Variants in STAU2 observed in about 807,000 individuals in gnomAD.
STAU2 encodes the protein double-stranded RNA-binding protein Staufen homolog 2.
A neutral mutation model predicts 65.9 loss-of-function variants in STAU2; 20 were observed. The observed-to-expected ratio is 0.30, with a 90% CI of 0.21 to 0.44. The LOEUF is 0.44. STAU2 is among the 20% of genes least tolerant of loss of function. STAU2 has a pLI of 1.00. For synonymous variants in STAU2, 232 were observed against 233.9 expected (o/e 0.99, Z 0.07); for missense variants, 558 against 683.9 (o/e 0.82, Z 2.05).
intron 6 of STAU2, among the ~76,000 whole-genome samples, chr8:73,659,494 G>C (rs182928501): frequency 6.6e-6 from 1 of 152,178 alleles, no homozygotes; most frequent in East Asian, 1.9e-4. Context: ...CTGAGATCGC[G>C]CCATTGCACT....
chr8:73,433,232 G>A (rs979139169), intron 13 of STAU2, among the ~76,000 whole-genome samples: 1 of 151,878 alleles, frequency 6.6e-6, no homozygotes, highest in African/African-American at 2.4e-5. Context: ...TTGAGATGGA[G>A]TCTTGCTCTG....
At chr8:73,567,756 G>C (rs901376831) in intron 12 of STAU2, among the ~76,000 whole-genome samples, 2 of 151,834 alleles carry the variant, frequency 1.3e-5, no homozygotes, top group African/African-American at 4.8e-5. Context: ...CACCGTGTTG[G>C]CCAGGCTGGT....
intron 13 of STAU2, among the ~76,000 whole-genome samples, chr8:73,512,000 T>A (rs1010752928): frequency 5.9e-5 from 9 of 152,240 alleles, no homozygotes; most frequent in African/African-American, 2.2e-4. Context: ...GTACCCTCTG[T>A]TGAAAATGTT....
intron 13 of STAU2, among the ~76,000 whole-genome samples, chr8:73,428,708 C>T (rs1817028127): frequency 1.3e-5 from 2 of 152,150 alleles, no homozygotes; most frequent in Admixed American, 1.3e-4. Context: ...ACTAGGTACA[C>T]TGGGAATACT....
At chr8:73,477,076 T>C (rs948095569) in intron 13 of STAU2, among the ~76,000 whole-genome samples, 1 of 152,120 alleles carries the variant, frequency 6.6e-6, no homozygotes, top group Non-Finnish European at 1.5e-5. Flanking sequence ...ACTGAAGAAC[T>C]GGAAGAATTA....
intron 5 of STAU2, among the ~76,000 whole-genome samples, chr8:73,684,463 G>A (rs1320737001): frequency 6.6e-6 from 1 of 152,128 alleles, no homozygotes; most frequent in Non-Finnish European, 1.5e-5. Context: ...ATTAACTCAA[G>A]ATGGATCAAA....
chr8:73,626,894 G>A (rs959812092), intron 6 of STAU2, among the ~76,000 whole-genome samples: 3 of 152,036 alleles, frequency 2.0e-5, no homozygotes, highest in East Asian at 1.9e-4. Flanking sequence ...GGTGCACCCA[G>A]CCTGGAGGTT....
At chr8:73,669,637 T>TTCCC (rs1817516773) in intron 6 of STAU2, among the ~76,000 whole-genome samples, 1 of 141,246 alleles carries the variant, frequency 7.1e-6, no homozygotes, top group South Asian at 2.4e-4. Flanking sequence ...GAGCCTGGAA[T>TTCCC]TCTCTCTCTC....
At chr8:73,742,220 C>T (rs1806933386) in intron 1 of STAU2, 4 of 984,516 alleles carry the variant, frequency 4.1e-6, no homozygotes, top group South Asian at 4.7e-5. Flanking sequence ...CAGTTTTATA[C>T]TACCTTTGGT....
chr8:73,585,495 T>C (rs543397014), intron 11 of STAU2, among the ~76,000 whole-genome samples: 1 of 152,196 alleles, frequency 6.6e-6, no homozygotes, highest in African/African-American at 2.4e-5. Flanking sequence ...CATGTATATA[T>C]TATACAATTT....
At chr8:73,715,348 C>T (rs1022425824) in intron 3 of STAU2, among the ~76,000 whole-genome samples, 1 of 150,494 alleles carries the variant, frequency 6.6e-6, no homozygotes, top group African/African-American at 2.4e-5. Flanking sequence ...CCGAGCTATT[C>T]GGGAGGCTGA....
chr8:73,615,829 AACTTT>A (rs768576693), intron 7 of STAU2, 47 bp from the exon 8 acceptor site: 71 of 1,424,816 alleles, frequency 5.0e-5, no homozygotes, highest in Non-Finnish European at 6.8e-5. Flanking sequence ...CATTATAACA[AACTTT>A]ACTTTTATTC....
At chr8:73,489,719 G>A (rs13272002) in intron 13 of STAU2, among the ~76,000 whole-genome samples, 63,745 of 151,754 alleles carry the variant, frequency 0.42, 14,427 homozygotes, top group Non-Finnish European at 0.5. Context: ...AAGATTTGCC[G>A]TTACATAACT....
In STAU2 at chr8:73,547,665, AT is replaced by A. The variant is rs531679278; in HGVS notation, c.1530+4346del. ...AGAGAGCTTTTTAAGAATTTTTAAGATTTTAATGGCAAATCAGAGCAGTATC... is the reference window on the plus strand; with the variant it reads ...AGAGAGCTTTTTAAGAATTTTTAAGATTTAATGGCAAATCAGAGCAGTATC... On this transcript the variant is annotated intron_variant, in intron 13 of 14. Coordinates refer to ENST00000524300, the MANE Select transcript of STAU2 (RefSeq NM_001164380.2). Among the ~76,000 whole-genome samples the A allele has an allele frequency of 1.8e-3, 267 of 152,298 alleles. 1 individual carries two copies. The highest frequency in any genetic ancestry group is 0.014 in the Admixed American group (210 of 15,298).
intron 6 of STAU2, chr8:73,670,619 T>C (rs536051042): frequency 1.3e-5 from 2 of 152,254 alleles, no homozygotes; most frequent in East Asian, 3.9e-4. Context: ...TAAACAATAA[T>C]ATTTAAAGGA....
intron 13 of STAU2, among the ~76,000 whole-genome samples, chr8:73,543,349 C>A (rs1168858513): frequency 6.6e-6 from 1 of 152,110 alleles, no homozygotes; most frequent in Non-Finnish European, 1.5e-5. Context: ...ATTTTGGTGA[C>A]TATATACATT....
At chr8:73,686,098 T>C (rs1462668769) in intron 5 of STAU2, among the ~76,000 whole-genome samples, 2 of 151,892 alleles carry the variant, frequency 1.3e-5, no homozygotes, top group Admixed American at 6.6e-5. Context: ...GGAGGTAAGC[T>C]ACAAGGACAC....
intron 13 of STAU2, among the ~76,000 whole-genome samples, chr8:73,466,963 TGCCTGAA>T (rs983402100): frequency 2.6e-5 from 4 of 152,224 alleles, no homozygotes; most frequent in African/African-American, 9.6e-5. Flanking sequence ...CAGTCTCCCC[TGCCTGAA>T]ATGGCCTTCC....
intron 6 of STAU2, among the ~76,000 whole-genome samples, chr8:73,622,123 A>AT (rs71269924): frequency 0.013 from 332 of 25,142 alleles, 68 homozygotes; most frequent in African/African-American, 0.049. Flanking sequence ...TGCCCAGCTA[A>AT]TTTTTTTTTT....
Sources: gnomAD v4.1 joint callset for allele counts (sites outside exome capture counted in the v4.1 genomes callset) on GRCh38, gnomAD v4.1.1 for gene constraint, MANE v1.5 for transcripts, NCBI Gene and HGNC (gene_info 2026-07-23, HGNC 2026-07-21) for gene names.